Variants in SIN3B observed in about 807,000 individuals in gnomAD.
The protein encoded by SIN3B is SIN3 transcription regulator family member B.
SIN3B carries 19 observed loss-of-function variants against 120.2 expected under a neutral mutation model. That is an observed-to-expected ratio of 0.16 (90% confidence interval 0.11 to 0.23). The LOEUF is 0.23. Ranked by LOEUF, SIN3B falls within the 10% of genes least tolerant of loss-of-function variation. The pLI is 1.00. For missense variants in SIN3B, 1,073 were observed against 1,573.0 expected, an observed-to-expected ratio of 0.68 and a Z score of 5.38; for synonymous variants, 654 against 653.2, an observed-to-expected ratio of 1.00 and a Z score of -0.02.
At chr19:16,863,133 C>T in intron 9 of SIN3B, 1 of 612,900 alleles carries the variant, frequency 1.6e-6, no homozygotes, top group South Asian at 2.0e-5. Flanking sequence ...GGATGGCCTG[C>T]AAAATCTGAG....
intron 5 of SIN3B, among the ~76,000 whole-genome samples, chr19:16,851,071 G>A (rs1971538397): frequency 7.8e-6 from 1 of 128,492 alleles, no homozygotes; most frequent in Admixed American, 7.7e-5. Flanking sequence ...CATGCACACG[G>A]CGAGATGCCC....
At chr19:16,871,976 A>G (rs2051517760) in intron 14 of SIN3B, among the ~76,000 whole-genome samples, 1 of 152,190 alleles carries the variant, frequency 6.6e-6, no homozygotes, top group African/African-American at 2.4e-5. Context: ...GGGTGGGAAT[A>G]GTGATTTCAT....
intron 3 of SIN3B, among the ~76,000 whole-genome samples, chr19:16,837,943 T>C (rs1040541582): frequency 7.2e-5 from 11 of 152,010 alleles, no homozygotes; most frequent in African/African-American, 1.2e-4. Context: ...CAGGCGGGGC[T>C]GTGTGTGGAT....
At position 16,846,619 on chromosome 19, in the gene SIN3B, G is replaced by A. The variant is rs995781744; in HGVS notation, c.583-351G>A. 15 of 191,650 alleles carry A rather than the reference G, an allele frequency of 7.8e-5. No homozygotes were observed. The South Asian group carries it at 2.1e-3, about 27-fold the overall frequency. The allele number at this position is 191,650 out of a possible 1,614,324, so 11.9% of individuals were successfully genotyped here. ...GGAAGTCCCTTCCCTTCATGGCCCA[G>A]CGCTCCCCAGTTCTACACTCCCCAT... On this transcript the variant is annotated intron_variant, in intron 4 of 18. Transcript: ENST00000248054.
In SIN3B at chr19:16,878,502, G is replaced by C. The variant is rs2051642389; in HGVS notation, c.3168G>C (p.Gln1056His). ...ACACCCGGCCTCTTCAACAGGTGCA[G>C]CCCCTGGTCCTGCTCCGCCACCACC... ...RGTLCRAKQV[Q>H]PLVLLRHHQH... is the part of the protein sequence containing the mutation. The change falls in exon 19 of 19, where the codon CAG becomes CAC. Residue 1056 changes from glutamine (Q) to histidine (H), a missense_variant. Physicochemically the swap from Gln to His is conservative, Grantham distance 24. Coordinates refer to ENST00000248054, the MANE Select transcript of SIN3B (RefSeq NM_001297595.2). 1 of 1,571,146 alleles carries C rather than the reference G, an allele frequency of 6.4e-7. No individual in the cohort carries two copies. Among genetic ancestry groups the C allele is most frequent in the African/African-American group, 1.4e-5 (1 of 73,896 alleles).
intron 14 of SIN3B, 122 bp downstream of exon 14, chr19:16,871,520 T>C (rs2051511448): frequency 1.1e-6 from 1 of 905,820 alleles, no homozygotes; most frequent in African/African-American, 1.7e-5. Context: ...TTTTTCTTAA[T>C]TGAGACAAAA....
At chr19:16,846,143 T>A (rs2144588765) in intron 4 of SIN3B, 1 of 152,388 alleles carries the variant, frequency 6.6e-6, no homozygotes, top group East Asian at 1.9e-4. Flanking sequence ...CATTTCTATT[T>A]ATTATCTGAA....
At position 16,879,897 on chromosome 19, in the gene SIN3B, C is replaced by G. The variant is rs1294636780; in HGVS notation, c.*1170C>G. The G allele has an allele frequency of 6.6e-6, 1 of 152,264 alleles. No individual in the cohort carries two copies. Among genetic ancestry groups the G allele is most frequent in the Non-Finnish European group, 1.5e-5 (1 of 68,082 alleles). 9.4% of individuals were successfully genotyped at this position (152,264 alleles called of 1,614,324 possible). A position where few individuals can be genotyped will look rare whatever the true frequency, so the allele number is the denominator to read the frequency against. On this transcript the variant is annotated 3_prime_UTR_variant, in exon 19 of 19. Coordinates refer to ENST00000248054, the MANE Select transcript of SIN3B (RefSeq NM_001297595.2). Reference sequence around the variant, plus strand: ...CAGTAGGCCCAGAATAACCGCCACCCTTGCCATCCTGCAACAGCTGGACTC... The same window carrying G: ...CAGTAGGCCCAGAATAACCGCCACCGTTGCCATCCTGCAACAGCTGGACTC...
chr19:16,862,760 C>T lies in SIN3B; in HGVS notation c.1266+201C>T. 4 of 1,038,628 alleles carry T rather than the reference C, an allele frequency of 3.9e-6. No individual in the cohort carries two copies. In the South Asian group the frequency reaches 5.6e-5, roughly 15 times the overall value. 64.3% of individuals were successfully genotyped at this position (1,038,628 alleles called of 1,614,324 possible). A position where few individuals can be genotyped will look rare whatever the true frequency, so the allele number is the denominator to read the frequency against. On this transcript the variant is annotated intron_variant, in intron 9 of 18. Coordinates refer to ENST00000248054, the MANE Select transcript of SIN3B (RefSeq NM_001297595.2). This position sits in a 1 kb window ranked among gnomAD's most constrained non-coding sequence, Gnocchi z 4.7. ...TGTTGTACCCTGCTGGTAGTTTTGGCAAAACACAGAGTGCCAGGGATAACG... is the reference window on the plus strand; with the variant it reads ...TGTTGTACCCTGCTGGTAGTTTTGGTAAAACACAGAGTGCCAGGGATAACG...
intron 2 of SIN3B, 106 bp downstream of exon 2, chr19:16,830,003 TTG>T: frequency 1.4e-6 from 1 of 718,866 alleles, no homozygotes; most frequent in Non-Finnish European, 2.5e-6. Context: ...CCGGGTGACC[TTG>T]CGCAGGTTGT....
chr19:16,838,660 G>A (rs997507166), intron 3 of SIN3B, among the ~76,000 whole-genome samples: 3 of 152,044 alleles, frequency 2.0e-5, no homozygotes, highest in African/African-American at 7.2e-5. Context: ...GGATGTGTTG[G>A]AACACGTGTT....
In SIN3B at chr19:16,873,530, C is replaced by A. The variant is rs566803476; in HGVS notation, c.2592+2132C>A. On this transcript the variant is annotated intron_variant, in intron 14 of 18. Coordinates refer to ENST00000248054, the MANE Select transcript of SIN3B (RefSeq NM_001297595.2). ...GCTGGCAGTCTGTCCCCTCCCCCCCCCCCCAGGCTGGGCACCCCTCATGGG... is the reference window on the plus strand; with the variant it reads ...GCTGGCAGTCTGTCCCCTCCCCCCCACCCCAGGCTGGGCACCCCTCATGGG... Among the ~76,000 whole-genome samples, 39 of 151,364 alleles carry A rather than the reference C, an allele frequency of 2.6e-4. 1 individual carries two copies. The South Asian group carries it at 8.0e-3, about 31-fold the overall frequency.
intron 5 of SIN3B, 134 bp from the exon 6 acceptor site, chr19:16,851,278 G>T: frequency 1.0e-6 from 1 of 992,554 alleles, no homozygotes; most frequent in Admixed American, 3.0e-5. Context: ...ACGCATGGAC[G>T]GAGCATCTGG....
intron 3 of SIN3B, among the ~76,000 whole-genome samples, chr19:16,839,398 T>G (rs1279267749): frequency 3.9e-5 from 6 of 152,184 alleles, no homozygotes; most frequent in Non-Finnish European, 7.4e-5. Context: ...ACACTGTCCC[T>G]CGTGGTGGCT....
At chr19:16,832,395 T>C (rs955912282) in intron 3 of SIN3B, among the ~76,000 whole-genome samples, 7 of 151,804 alleles carry the variant, frequency 4.6e-5, no homozygotes, top group Non-Finnish European at 1.0e-4. Context: ...ATGGGGTTTC[T>C]TCATGTTGGC....
intron 8 of SIN3B, among the ~76,000 whole-genome samples, chr19:16,860,631 C>T (rs189002591): frequency 0.018 from 2,548 of 143,830 alleles, 89 homozygotes; most frequent in African/African-American, 0.064. Context: ...GACGGAGTCT[C>T]GCTCTGTCGC....
chr19:16,860,102 ATGGGGAAGGGCGTT>A (rs1339518313), intron 8 of SIN3B, among the ~76,000 whole-genome samples: 3 of 152,132 alleles, frequency 2.0e-5, no homozygotes, highest in Non-Finnish European at 4.4e-5. Context: ...AGAGACTCGT[ATGGGGAAGGGCGTT>A]TGGGGAAGGG....
In SIN3B at chr19:16,841,624, A is replaced by G. The variant is rs1242588652; in HGVS notation, c.382-144A>G. ...CCGCCCTGCTTGCCTCCAGGCTCTC[A>G]GAAGTAACCTTTCCCTGTCTCTAAT... is the stretch of plus-strand genomic sequence containing the variant. On this transcript the variant is annotated intron_variant, in intron 3 of 18. Transcript: ENST00000248054. The G allele has an allele frequency of 2.0e-5, 15 of 744,088 alleles. No homozygotes were observed. The African/African-American group carries it at 2.1e-4, about 10-fold the overall frequency. The allele number at this position is 744,088 out of a possible 1,614,324, so 46.1% of individuals were successfully genotyped here.
At chr19:16,865,207 T>G in intron 10 of SIN3B, 1 of 550,824 alleles carries the variant, frequency 1.8e-6, no homozygotes, top group Non-Finnish European at 3.2e-6. Flanking sequence ...GGTGGGAGGA[T>G]TGTTTGAGCC....
Sources: gnomAD v4.1 joint callset for allele counts (sites outside exome capture counted in the v4.1 genomes callset) on GRCh38, gnomAD v4.1.1 for gene constraint, Gnocchi (gnomAD v3.1) non-coding constraint, MANE v1.5 for transcripts, NCBI Gene and HGNC (gene_info 2026-07-23, HGNC 2026-07-21) for gene names.